Variants in IFRD1 observed in about 807,000 individuals in gnomAD.
IFRD1 encodes the protein interferon-related developmental regulator 1.
Under a neutral mutation model 52.9 loss-of-function variants are expected in IFRD1, and 35 were observed. That is an observed-to-expected ratio of 0.66 (90% confidence interval 0.51 to 0.88). IFRD1 has a LOEUF of 0.88. Among genes scored for constraint, IFRD1 ranks in the 40% least tolerant of loss-of-function variants. The pLI is 0.00. For missense variants in IFRD1, 517 were observed against 550.8 expected (o/e 0.94, Z 0.61); for synonymous variants, 184 against 188.4 (o/e 0.98, Z 0.19).
upstream of IFRD1, among the ~76,000 whole-genome samples, chr7:112,446,570 C>T (rs1386693612): frequency 1.3e-5 from 2 of 151,974 alleles, no homozygotes; most frequent in African/African-American, 4.8e-5. Flanking sequence ...GGTGGAGGTG[C>T]TGGTGGTAGG....
At position 112,457,003 on chromosome 7, in the gene IFRD1, C is replaced by T. The variant is rs754099331; in HGVS notation, c.374C>T (p.Thr125Ile). The T allele has an allele frequency of 1.2e-6, 2 of 1,613,906 alleles. No individual in the cohort carries two copies. The highest frequency in any genetic ancestry group is 1.1e-5 in the South Asian group (1 of 91,080). ...LYEFILERRM[T>I]LTDSIERCLK... ...GAATTTATTCTGGAAAGGAGAATGA[C>T]TTTAACTGATAGCATTGAACGCTGC... The change falls in exon 4 of 12, where the codon ACT (threonine) becomes ATT (isoleucine). Residue 125 changes from threonine to isoleucine, a missense_variant. By Grantham distance (89) the Thr-to-Ile change is moderately conservative. Transcript: ENST00000403825.
At chr7:112,462,430 C>A in intron 8 of IFRD1, 52 bp downstream of exon 8, 1 of 1,204,420 alleles carries the variant, frequency 8.3e-7, no homozygotes, top group Non-Finnish European at 1.2e-6. Context: ...GCCCATTGTT[C>A]CATCATTACC....
chr7:112,427,764 CATT>C (rs1794458382), intron 1 of IFRD1, among the ~76,000 whole-genome samples: 1 of 152,188 alleles, frequency 6.6e-6, no homozygotes, highest in Non-Finnish European at 1.5e-5. Flanking sequence ...TTGATTTCAT[CATT>C]AATTTGTTCA....
At chr7:112,436,445 G>A (rs1382180409) in intron 1 of IFRD1, among the ~76,000 whole-genome samples, 1 of 152,016 alleles carries the variant, frequency 6.6e-6, no homozygotes, top group Non-Finnish European at 1.5e-5. Context: ...TGATTAAATG[G>A]GTGGCAGTTT....
chr7:112,433,596 A>C (rs1202300259), intron 1 of IFRD1, among the ~76,000 whole-genome samples: 1 of 152,194 alleles, frequency 6.6e-6, no homozygotes, highest in African/African-American at 2.4e-5. Context: ...CTGCAAGGGC[A>C]ATCTAGTCCC....
chr7:112,458,318 CAA>C (rs58694028), intron 4 of IFRD1: 236 of 119,746 alleles, frequency 2.0e-3, no homozygotes, highest in Middle Eastern at 7.9e-3. Flanking sequence ...GACCCTGTCT[CAA>C]AAAAAAAAAA....
At chr7:112,457,810 T>C (rs188440348) in intron 4 of IFRD1, 102 of 152,382 alleles carry the variant, frequency 6.7e-4, no homozygotes, top group African/African-American at 2.3e-3. Context: ...ATCATTATTT[T>C]ATTAGCAAAA....
In IFRD1 at chr7:112,472,046, C is replaced by T. The variant is rs142519892; in HGVS notation, c.1042-173C>T. 1.6e-3 allele frequency among the ~76,000 whole-genome samples: 242 copies of T among 152,268 alleles called. 1 individual carries two copies. Among genetic ancestry groups the T allele is most frequent in the African/African-American group, 5.4e-3 (225 of 41,554 alleles). ...TATCAAAACTAGACCAATTCTACAC[C>T]CTTACATACAGGATAGCAACAGTTT... On this transcript the variant is annotated intron_variant, in intron 9 of 11. Coordinates refer to ENST00000403825, the MANE Select transcript of IFRD1 (RefSeq NM_001550.4).
At chr7:112,455,920 G>A (rs1419732397) in intron 2 of IFRD1, 53 bp downstream of exon 2, 2 of 1,469,412 alleles carry the variant, frequency 1.4e-6, no homozygotes, top group Non-Finnish European at 1.9e-6. Flanking sequence ...TTCAGGTGGA[G>A]GAATTCTTGT....
chr7:112,437,735 G>C lies in IFRD1; in HGVS notation c.-181-12773G>C, dbSNP rs544855982. Among the ~76,000 whole-genome samples the C allele has an allele frequency of 3.8e-4, 58 of 151,782 alleles. No homozygotes were observed. The Middle Eastern group carries it at 0.014, about 36-fold the overall frequency. On this transcript the variant is annotated intron_variant, in intron 1 of 12. Transcript: ENST00000005558. ...CAGGGATGAAAGTGGGGGCTGGAAA[G>C]TCTTCATGGAGATGGTAATGGGATT...
Position 112,450,692 on chromosome 7 carries a change from C to T in IFRD1, c.4C>T (p.Pro2Ser). The T allele has an allele frequency of 6.2e-7, 1 of 1,612,628 alleles. No homozygotes were observed. Among genetic ancestry groups the T allele is most frequent in the Middle Eastern group, 1.7e-4 (1 of 6,058 alleles). The change falls in exon 1 of 12, where the codon CCG becomes TCG. Residue 2 changes from proline (P) to serine (S), a missense_variant. Coordinates refer to ENST00000403825, the MANE Select transcript of IFRD1 (RefSeq NM_001550.4). ...GGGCGGCACCGGGCGTCCCACGATG[C>T]CGAAGAACAAGAAGCGGAACACTCC... M[P>S]KNKKRNTPHR...
chr7:112,423,630 C>T (rs1292352659), intron 1 of IFRD1, among the ~76,000 whole-genome samples: 2 of 151,970 alleles, frequency 1.3e-5, no homozygotes, highest in African/African-American at 4.8e-5. Context: ...TGCAGAAGAA[C>T]ATGGAGAAAA....
At chr7:112,465,894 A>C (rs1795596940) in intron 8 of IFRD1, among the ~76,000 whole-genome samples, 1 of 152,156 alleles carries the variant, frequency 6.6e-6, no homozygotes, top group African/African-American at 2.4e-5. Context: ...AATGCTTCAG[A>C]ATTTATTGGG....
At position 112,473,749 on chromosome 7, in the gene IFRD1, T is replaced by C. The variant is rs959062535; in HGVS notation, c.1266+888T>C. On this transcript the variant is annotated intron_variant, in intron 11 of 11. Transcript: ENST00000403825. ...CTGCATTTCAAAAATCCTTAATTTA[T>C]GTATTTTTTTTTGTGCTGAGATGAA... is the stretch of plus-strand genomic sequence containing the variant. 2.0e-5 allele frequency among the ~76,000 whole-genome samples: 3 copies of C among 152,084 alleles called. No individual in the cohort carries two copies. In the East Asian group the frequency reaches 5.8e-4, roughly 29 times the overall value.
chr7:112,450,933 G>GGGCA, intron 1 of IFRD1, 151 bp downstream of exon 1: 1 of 686,616 alleles, frequency 1.5e-6, no homozygotes. Context: ...ACAATTCCCA[G>GGGCA]CGTGCCCTGG....
At chr7:112,470,358 A>G (rs2117331347) in intron 9 of IFRD1, among the ~76,000 whole-genome samples, 1 of 152,328 alleles carries the variant, frequency 6.6e-6, no homozygotes, top group East Asian at 1.9e-4. Context: ...AGGTCCGTCG[A>G]TTAGGTCCTT....
chr7:112,465,882 T>C (rs947172905), intron 8 of IFRD1, among the ~76,000 whole-genome samples: 1 of 152,226 alleles, frequency 6.6e-6, no homozygotes, highest in Non-Finnish European at 1.5e-5. Flanking sequence ...GATAAAATAG[T>C]TAATGCTTCA....
intron 8 of IFRD1, 37 bp from the exon 9 acceptor site, chr7:112,467,940 AAAAT>A (rs772903423): frequency 1.2e-5 from 19 of 1,597,892 alleles, no homozygotes; most frequent in Non-Finnish European, 1.0e-5. Context: ...TCAGAAAAGA[AAAAT>A]AATAATAAAG....
intron 1 of IFRD1, among the ~76,000 whole-genome samples, chr7:112,431,870 C>T (rs945788053): frequency 3.2e-4 from 49 of 152,190 alleles, no homozygotes; most frequent in African/African-American, 1.2e-3. Flanking sequence ...CAAGCATCTC[C>T]ACATTCTGTC....
Sources: allele counts gnomAD v4.1 joint callset (sites outside exome capture counted in the v4.1 genomes callset), GRCh38; gene constraint gnomAD v4.1.1; transcripts MANE v1.5; gene names NCBI Gene and HGNC (gene_info 2026-07-23, HGNC 2026-07-21).